Variants in ALK observed in about 807,000 individuals in gnomAD.
ALK encodes the protein ALK tyrosine kinase receptor.
In ALK, 74 loss-of-function variants were observed where a neutral mutation model predicts 163.1. The observed-to-expected ratio is 0.45, with a 90% CI of 0.38 to 0.55. The LOEUF is 0.55. ALK is among the 20% of genes least tolerant of loss of function. The pLI, the probability that ALK is intolerant of heterozygous loss-of-function variation, is 0.00. For synonymous variants in ALK, 960 were observed against 843.2 expected (o/e 1.14, Z -2.40); for missense variants, 2,063 against 2,105.3 (o/e 0.98, Z 0.39).
intron 9 of ALK, among the ~76,000 whole-genome samples, chr2:29,291,130 A>G (rs1355954546): frequency 2.0e-5 from 3 of 152,190 alleles, no homozygotes; most frequent in Non-Finnish European, 4.4e-5. Context: ...TGGGAGGCCC[A>G]GGCAAGAGGA....
intron 5 of ALK, among the ~76,000 whole-genome samples, chr2:29,359,251 G>A (rs1271146770): frequency 6.6e-6 from 1 of 152,202 alleles, no homozygotes; most frequent in East Asian, 1.9e-4. Flanking sequence ...TGGAGTCAAG[G>A]TTTGCATTGC....
Position 29,196,821 on chromosome 2 carries a change from T to G in ALK, c.4113A>C (p.Glu1371Asp), listed in dbSNP as rs1287738986. ...AAATGATGGCAAAGTTGGGCCTGTCTTCAGGCTGATGTTGCCAGCACTGAG... is the reference window on the plus strand; with the variant it reads ...AAATGATGGCAAAGTTGGGCCTGTCGTCAGGCTGATGTTGCCAGCACTGAG... The part of the protein sequence containing the change: ...IMTQCWQHQP[E>D]DRPNFAIILE... Residue 1371 changes from glutamate (E) to aspartate (D), a missense_variant, in exon 28 of 29, where the codon GAA (glutamate) becomes GAC (aspartate). Around this residue, in one of 5 missense-constraint regions of ALK, gnomAD observed 403 missense variants for 366.2 expected, o/e 1.10. Transcript: ENST00000389048. 6.2e-7 allele frequency: 1 copy of G among 1,614,194 alleles called. No individual in the cohort carries two copies. Among genetic ancestry groups the G allele is most frequent in the African/African-American group, 1.3e-5 (1 of 75,062 alleles).
At chr2:29,497,168 A>C (rs1248793314) in intron 4 of ALK, among the ~76,000 whole-genome samples, 1 of 152,142 alleles carries the variant, frequency 6.6e-6, no homozygotes, top group African/African-American at 2.4e-5. Context: ...GCTACTAGGG[A>C]GGATGAGGCA....
chr2:29,265,663 T>C (rs959658029), intron 11 of ALK, among the ~76,000 whole-genome samples: 1 of 152,216 alleles, frequency 6.6e-6, no homozygotes. Flanking sequence ...GCTCTTATCT[T>C]ATTATGAAGA....
At chr2:29,296,809 G>A (rs566534838) in intron 9 of ALK, 79 bp downstream of exon 9, 155 of 1,589,742 alleles carry the variant, frequency 9.8e-5, no homozygotes, top group Non-Finnish European at 1.2e-4. Flanking sequence ...TAAAAGGCAC[G>A]GGGAAAGGGA....
At chr2:29,689,455 T>C (rs1165927946) in intron 3 of ALK, among the ~76,000 whole-genome samples, 1 of 152,176 alleles carries the variant, frequency 6.6e-6, no homozygotes, top group African/African-American at 2.4e-5. Context: ...CAGGGACCCT[T>C]TTAAGAACAT....
At chr2:29,674,353 A>G (rs1051775455) in intron 3 of ALK, among the ~76,000 whole-genome samples, 4 of 151,514 alleles carry the variant, frequency 2.6e-5, no homozygotes, top group African/African-American at 9.8e-5. Flanking sequence ...CGTCCCATCA[A>G]TACCTAATTT....
At chr2:29,593,092 A>G (rs1218334683) in intron 3 of ALK, among the ~76,000 whole-genome samples, 1 of 152,234 alleles carries the variant, frequency 6.6e-6, no homozygotes, top group African/African-American at 2.4e-5. Context: ...TACATTGGAC[A>G]GAGGGGTATG....
chr2:29,411,138 A>G (rs1234047844), intron 4 of ALK, among the ~76,000 whole-genome samples: 3 of 152,214 alleles, frequency 2.0e-5, no homozygotes, highest in Non-Finnish European at 4.4e-5. Context: ...AGACACGAAC[A>G]TGCACATTAG....
chr2:29,366,362 C>T (rs1668507851), intron 5 of ALK, among the ~76,000 whole-genome samples: 1 of 152,096 alleles, frequency 6.6e-6, no homozygotes, highest in South Asian at 2.1e-4. Flanking sequence ...GACCTGTGTG[C>T]CCCAAGTTAG....
intron 3 of ALK, among the ~76,000 whole-genome samples, chr2:29,624,118 A>G (rs1467836280): frequency 4.2e-5 from 1 of 23,826 alleles, no homozygotes; most frequent in East Asian, 2.4e-3. Flanking sequence ...GAAAAAAATC[A>G]TTGTCAGACT....
At chr2:29,270,392 C>T (rs1665351462) in intron 11 of ALK, among the ~76,000 whole-genome samples, 1 of 152,214 alleles carries the variant, frequency 6.6e-6, no homozygotes, top group South Asian at 2.1e-4. Context: ...TGGCACACAG[C>T]AGTGCTTGGT....
rs1669534712 is a variant in ALK, at chr2:29,214,047, A to G, written c.3680T>C (p.Leu1227Pro). 1 of 1,614,126 alleles carries G rather than the reference A, an allele frequency of 6.2e-7. No homozygotes were observed. Among genetic ancestry groups the G allele is most frequent in the Non-Finnish European group, 8.5e-7 (1 of 1,179,982 alleles). ...QPSSLAMLDL[L>P]HVARDIACGC... Reference sequence around the variant, plus strand: ...ACAGGCAATGTCCCGAGCCACGTGCAGAAGGTCCAGCATGGCCAGGGAGGA... The same window carrying G: ...ACAGGCAATGTCCCGAGCCACGTGCGGAAGGTCCAGCATGGCCAGGGAGGA... Residue 1227 changes from leucine to proline, a missense_variant, in exon 24 of 29, where the codon CTG becomes CCG. Leu to Pro is a moderately conservative substitution (Grantham distance 98). This residue lies in a region of ALK where 83 missense variants were observed against 139.7 expected (regional missense o/e 0.59). Transcript: ENST00000389048.
intron 9 of ALK, among the ~76,000 whole-genome samples, chr2:29,276,765 G>A (rs1665558363): frequency 6.6e-6 from 1 of 152,196 alleles, no homozygotes; most frequent in African/African-American, 2.4e-5. Flanking sequence ...TCCATTGATA[G>A]AAAATGTCTA....
chr2:29,727,976 A>G (rs1558461870), intron 1 of ALK, among the ~76,000 whole-genome samples: 1 of 152,316 alleles, frequency 6.6e-6, no homozygotes, highest in East Asian at 1.9e-4. Context: ...TTAGTGAAAA[A>G]AATCACAAAA....
At chr2:29,762,944 G>C (rs1221832944) in intron 1 of ALK, among the ~76,000 whole-genome samples, 10 of 152,038 alleles carry the variant, frequency 6.6e-5, no homozygotes, top group African/African-American at 2.4e-4. Flanking sequence ...AAAATTAGCT[G>C]AGCGTGGTGA....
intron 3 of ALK, among the ~76,000 whole-genome samples, chr2:29,652,272 A>G (rs7561206): frequency 1.7e-3 from 254 of 151,886 alleles, no homozygotes; most frequent in African/African-American, 5.7e-3. Flanking sequence ...CAGATTGGGA[A>G]CCCCTGGCTT....
chr2:29,542,213 G>T (rs1462196128), intron 3 of ALK, among the ~76,000 whole-genome samples: 4 of 151,012 alleles, frequency 2.6e-5, no homozygotes, highest in Admixed American at 6.6e-5. Context: ...GTTTTGTTTT[G>T]TTTTTTTTCA....
At chr2:29,571,116 T>C (rs1016140894) in intron 3 of ALK, among the ~76,000 whole-genome samples, 3 of 151,938 alleles carry the variant, frequency 2.0e-5, no homozygotes, top group Non-Finnish European at 4.4e-5. Flanking sequence ...ATGTGTTCTC[T>C]CTCCCTGTTT....
Sources: allele counts gnomAD v4.1 joint callset (sites outside exome capture counted in the v4.1 genomes callset), GRCh38; gene constraint gnomAD v4.1.1; regional missense constraint gnomAD v4.1.1; transcripts MANE v1.5; gene names NCBI Gene and HGNC (gene_info 2026-07-23, HGNC 2026-07-21).